RRN3: variants seen among roughly 807,000 people sequenced by gnomAD.
RRN3 encodes the protein RNA polymerase I transcription factor RRN3.
In RRN3, 38 loss-of-function variants were observed where a neutral mutation model predicts 82.3. The ratio of observed to expected loss-of-function variants is 0.46; its 90% CI spans 0.36 to 0.61. The LOEUF is 0.61. Ranked by LOEUF, RRN3 falls within the 20% of genes least tolerant of loss-of-function variation. The pLI is 0.00. For synonymous variants in RRN3, 284 were observed against 284.3 expected (o/e 1.00, Z 0.01); for missense variants, 726 against 793.1 (o/e 0.92, Z 1.02).
chr16:15,074,598 A>C, intron 11 of RRN3, 125 bp downstream of exon 11: 1 of 654,812 alleles, frequency 1.5e-6, no homozygotes, highest in Non-Finnish European at 2.4e-6. Context: ...AAATCATCTT[A>C]AACTCATACT....
chr16:15,089,363 A>G (rs1398597501), intron 3 of RRN3, among the ~76,000 whole-genome samples: 1 of 152,152 alleles, frequency 6.6e-6, no homozygotes, highest in East Asian at 1.9e-4. Flanking sequence ...ACACAAATAT[A>G]TTAGGACACA....
intron 6 of RRN3, 30 bp from the exon 7 acceptor site, chr16:15,084,735 A>C: frequency 6.4e-7 from 1 of 1,552,980 alleles, no homozygotes; most frequent in Non-Finnish European, 8.9e-7. Context: ...GAGTATGAGC[A>C]TCAAAACAAA....
At chr16:15,084,934 C>T (rs1345691413) in intron 6 of RRN3, among the ~76,000 whole-genome samples, 2 of 152,116 alleles carry the variant, frequency 1.3e-5, no homozygotes, top group South Asian at 4.2e-4. Flanking sequence ...GGCATGGTGG[C>T]AAATGCCTGT....
At chr16:15,088,281 G>A (rs150118691) in intron 3 of RRN3, among the ~76,000 whole-genome samples, 1 of 152,166 alleles carries the variant, frequency 6.6e-6, no homozygotes, top group Non-Finnish European at 1.5e-5. Context: ...TTTGAGACCA[G>A]CCTGGGCAAC....
chr16:15,093,872 A>C, intron 1 of RRN3: 1 of 489,724 alleles, frequency 2.0e-6, no homozygotes, highest in South Asian at 2.8e-5. Context: ...GTCAAGGCGC[A>C]GAAGGCAGTA....
At chr16:15,075,314 A>G (rs1428945030) in intron 10 of RRN3, among the ~76,000 whole-genome samples, 2 of 151,552 alleles carry the variant, frequency 1.3e-5, no homozygotes, top group South Asian at 2.1e-4. Flanking sequence ...GCTCACGCCT[A>G]TAATTACCAA....
chr16:15,065,427 T>A, intron 15 of RRN3, 56 bp from the exon 16 acceptor site: 1 of 1,527,874 alleles, frequency 6.5e-7, no homozygotes, highest in Admixed American at 1.8e-5. Context: ...AGTGACTCGG[T>A]GCAGATGTGA....
intron 9 of RRN3, among the ~76,000 whole-genome samples, chr16:15,078,600 C>T (rs970477738): frequency 1.3e-5 from 2 of 152,172 alleles, no homozygotes; most frequent in African/African-American, 4.8e-5. Flanking sequence ...TCCGGCGGAT[C>T]CTTCCTGAGC....
Position 15,063,287 on chromosome 16 carries a change from T to C in RRN3, c.1707-4A>G. ...AGGATCAATGAATTTCTTTGACCTG[T>C]CAACAAAGATCACATTTCAAAGTCA... On this transcript the variant is annotated splice_region_variant and splice_polypyrimidine_tract_variant and intron_variant, in intron 16 of 17. Coordinates refer to ENST00000198767, the MANE Select transcript of RRN3 (RefSeq NM_018427.5). The C allele has an allele frequency of 6.2e-7, 1 of 1,601,980 alleles. No individual in the cohort carries two copies. The highest frequency in any genetic ancestry group is 1.1e-5 in the South Asian group (1 of 90,818).
chr16:15,069,148 G>A (rs112527105), intron 14 of RRN3, among the ~76,000 whole-genome samples: 2,134 of 152,310 alleles, frequency 0.014, 17 homozygotes, highest in Middle Eastern at 0.037. Context: ...AGCTGTGGCT[G>A]TTAACCCAAG....
intron 7 of RRN3, among the ~76,000 whole-genome samples, chr16:15,084,131 G>A (rs1283150539): frequency 6.6e-6 from 1 of 152,180 alleles, no homozygotes; most frequent in African/African-American, 2.4e-5. Flanking sequence ...CTCTCCCACA[G>A]AAACATAACA....
intron 10 of RRN3, 180 bp downstream of exon 10, chr16:15,076,378 G>T: frequency 1.6e-6 from 1 of 617,788 alleles, no homozygotes; most frequent in Non-Finnish European, 2.9e-6. Context: ...CTTGGAAATA[G>T]ACCAACTATG....
At chr16:15,093,464 C>T (rs1298883813) in intron 1 of RRN3, among the ~76,000 whole-genome samples, 2 of 152,176 alleles carry the variant, frequency 1.3e-5, no homozygotes, top group East Asian at 1.9e-4. Context: ...TGCCTTTCCC[C>T]CCTATGCTGT....
chr16:15,080,304 T>A (rs1409717946), intron 8 of RRN3, among the ~76,000 whole-genome samples: 1 of 152,242 alleles, frequency 6.6e-6, no homozygotes, highest in East Asian at 1.9e-4. Context: ...AAATTTTTAA[T>A]TTGCATAACT....
chr16:15,076,744 A>C (rs976946412), intron 9 of RRN3, 94 bp from the exon 10 acceptor site: 1 of 860,678 alleles, frequency 1.2e-6, no homozygotes, highest in Non-Finnish European at 1.9e-6. Context: ...ACGCATGTTC[A>C]AGGTGTCCAG....
intron 3 of RRN3, among the ~76,000 whole-genome samples, chr16:15,089,078 G>A (rs2046018434): frequency 6.6e-6 from 1 of 152,080 alleles, no homozygotes; most frequent in South Asian, 2.1e-4. Flanking sequence ...TGAGGCGGGT[G>A]GATCACTTGA....
At position 15,060,220 on chromosome 16, in the gene RRN3, A is replaced by G. The variant is rs911694391; in HGVS notation, c.*1524T>C. 1 of 373,066 alleles carries G rather than the reference A, an allele frequency of 2.7e-6. No homozygotes were observed. The highest frequency in any genetic ancestry group is 8.6e-5 in the East Asian group (1 of 11,596). The allele number at this position is 373,066 out of a possible 1,614,324, so 23.1% of individuals were successfully genotyped here. A position where few individuals can be genotyped will look rare whatever the true frequency, so the allele number is the denominator to read the frequency against. On this transcript the variant is annotated 3_prime_UTR_variant, in exon 18 of 18. Transcript: ENST00000198767. ...CCCCACTTACTACTAATTTCTGGGGAATTTCGTTTACTCGTTTTATCTAAT... is the reference window on the plus strand; with the variant it reads ...CCCCACTTACTACTAATTTCTGGGGGATTTCGTTTACTCGTTTTATCTAAT...
At chr16:15,080,892 A>C (rs1352741941) in intron 8 of RRN3, among the ~76,000 whole-genome samples, 2 of 151,878 alleles carry the variant, frequency 1.3e-5, no homozygotes, top group African/African-American at 2.4e-5. Flanking sequence ...TCATGTTGTA[A>C]CATGTAAACC....
chr16:15,067,371 A>G (rs2045023462), intron 15 of RRN3, among the ~76,000 whole-genome samples: 1 of 109,654 alleles, frequency 9.1e-6, no homozygotes, highest in African/African-American at 2.8e-5. Context: ...CTATGACTTT[A>G]GGCAAGTGAT....
Sources: gnomAD v4.1 joint callset for allele counts (sites outside exome capture counted in the v4.1 genomes callset) on GRCh38, gnomAD v4.1.1 for gene constraint, MANE v1.5 for transcripts, NCBI Gene and HGNC (gene_info 2026-07-23, HGNC 2026-07-21) for gene names.